Variants in PALM2AKAP2 observed in about 807,000 individuals in gnomAD.
PALM2AKAP2 encodes the protein PALM2 and AKAP2 fusion, also known as PALM2-AKAP2 fusion protein.
Under a neutral mutation model 71.5 loss-of-function variants are expected in PALM2AKAP2, and 37 were observed. The ratio of observed to expected loss-of-function variants is 0.52; its 90% confidence interval spans 0.40 to 0.68. PALM2AKAP2 has a LOEUF of 0.68. Among genes scored for constraint, PALM2AKAP2 ranks in the 30% least tolerant of loss-of-function variants. The pLI, the probability that PALM2AKAP2 is intolerant of heterozygous loss-of-function variation, is 0.00. For missense variants in PALM2AKAP2, 1,224 were observed against 1,191.8 expected, an observed-to-expected ratio of 1.03 and a Z score of -0.40; for synonymous variants, 468 against 478.8, an observed-to-expected ratio of 0.98 and a Z score of 0.29.
chr9:109,972,117 C>T (rs560662820), intron 6 of PALM2AKAP2, among the ~76,000 whole-genome samples: 1 of 152,312 alleles, frequency 6.6e-6, no homozygotes, highest in East Asian at 1.9e-4. Flanking sequence ...GGACAAGGGA[C>T]CATATCTTCA....
chr9:109,850,903 C>T (rs13283845), intron 1 of PALM2AKAP2, among the ~76,000 whole-genome samples: 21,256 of 152,040 alleles, frequency 0.14, 1,883 homozygotes, highest in East Asian at 0.28. Context: ...AGTGGCCGGG[C>T]GTGGTGGCTC....
intron 1 of PALM2AKAP2, among the ~76,000 whole-genome samples, chr9:110,127,314 C>G (rs549344972): frequency 1.0e-3 from 159 of 152,252 alleles, no homozygotes; most frequent in Middle Eastern, 3.4e-3. Context: ...CCTGCCGGGT[C>G]CAAATTTAGC....
intron 1 of PALM2AKAP2, among the ~76,000 whole-genome samples, chr9:109,654,015 G>A (rs1318964251): frequency 3.3e-5 from 5 of 152,196 alleles, no homozygotes; most frequent in African/African-American, 9.6e-5. Context: ...TAGCCAATAA[G>A]TGTATATGAG....
At chr9:110,073,593 T>A (rs1402081460) in intron 1 of PALM2AKAP2, among the ~76,000 whole-genome samples, 1 of 152,120 alleles carries the variant, frequency 6.6e-6, no homozygotes, top group Non-Finnish European at 1.5e-5. Context: ...AGAGGGCAAG[T>A]CATATTTATT....
At chr9:109,689,894 C>T (rs1413520829) in intron 1 of PALM2AKAP2, among the ~76,000 whole-genome samples, 1 of 152,200 alleles carries the variant, frequency 6.6e-6, no homozygotes, top group Admixed American at 6.5e-5. Flanking sequence ...CCAAGTTCAC[C>T]ACCCAACTGA....
intron 1 of PALM2AKAP2, among the ~76,000 whole-genome samples, chr9:109,720,771 C>T (rs1828393507): frequency 6.6e-6 from 1 of 152,188 alleles, no homozygotes; most frequent in Admixed American, 6.5e-5. Context: ...GGCAAAGGAA[C>T]CCACATGCTG....
At chr9:109,649,057 AT>A (rs879412094) in intron 1 of PALM2AKAP2, among the ~76,000 whole-genome samples, 73 of 144,842 alleles carry the variant, frequency 5.0e-4, no homozygotes, top group Middle Eastern at 3.6e-3. Context: ...CACTCCTGCA[AT>A]TTTTTTTTTT....
At chr9:109,767,557 A>G (rs1450155324) in intron 1 of PALM2AKAP2, among the ~76,000 whole-genome samples, 2 of 152,072 alleles carry the variant, frequency 1.3e-5, no homozygotes, top group Admixed American at 1.3e-4. Context: ...ATGTAAATAC[A>G]TTACTTTGCA....
At chr9:110,006,355 T>TTTCTTTCTTTCTTTC (rs1282563988) in intron 6 of PALM2AKAP2, among the ~76,000 whole-genome samples, 5 of 145,206 alleles carry the variant, frequency 3.4e-5, no homozygotes, top group Non-Finnish European at 7.5e-5. Flanking sequence ...TCTTTCTTTC[T>TTTCTTTCTTTCTTTC]TTCTTTCTTT....
chr9:109,852,244 C>A (rs1381892664), intron 1 of PALM2AKAP2, among the ~76,000 whole-genome samples: 1 of 152,094 alleles, frequency 6.6e-6, no homozygotes, highest in Non-Finnish European at 1.5e-5. Flanking sequence ...GTTTTTCAAC[C>A]CTTGATCCCA....
chr9:109,776,519 C>A (rs79778338), upstream of PALM2AKAP2, among the ~76,000 whole-genome samples: 2,197 of 152,334 alleles, frequency 0.014, 64 homozygotes, highest in African/African-American at 0.05. Flanking sequence ...AATTCTCTAA[C>A]ATGCTCAGTC....
At chr9:109,853,392 T>C (rs1383809455) in intron 1 of PALM2AKAP2, among the ~76,000 whole-genome samples, 1 of 152,242 alleles carries the variant, frequency 6.6e-6, no homozygotes. Context: ...ACTGTATTTT[T>C]TCTTATAAAA....
chr9:109,741,589 GC>G (rs1297301401), intron 1 of PALM2AKAP2, among the ~76,000 whole-genome samples: 1 of 152,202 alleles, frequency 6.6e-6, no homozygotes, highest in East Asian at 1.9e-4. Context: ...AAGTGTAAGA[GC>G]TTCCATTGTT....
chr9:110,084,763 T>A (rs941593209), intron 1 of PALM2AKAP2, among the ~76,000 whole-genome samples: 1 of 151,682 alleles, frequency 6.6e-6, no homozygotes, highest in Non-Finnish European at 1.5e-5. Context: ...TGAGACGGAG[T>A]CTCGCTCTGT....
At chr9:109,803,252 A>G (rs574708025) in intron 1 of PALM2AKAP2, among the ~76,000 whole-genome samples, 1 of 152,374 alleles carries the variant, frequency 6.6e-6, no homozygotes, top group Admixed American at 6.5e-5. Context: ...TTATTGGTTT[A>G]GTAATTTTTC....
chr9:109,737,470 A>C (rs548041947), intron 1 of PALM2AKAP2, among the ~76,000 whole-genome samples: 2 of 152,350 alleles, frequency 1.3e-5, no homozygotes, highest in South Asian at 4.1e-4. Context: ...TGTATTTGGA[A>C]GAAGAGGCAA....
At chr9:109,899,391 T>C (rs752550152) in intron 3 of PALM2AKAP2, among the ~76,000 whole-genome samples, 24 of 152,202 alleles carry the variant, frequency 1.6e-4, no homozygotes, top group Non-Finnish European at 3.4e-4. Context: ...CCCACTTCCA[T>C]GACAGTAGTC....
At chr9:110,153,354 C>T (rs1836369922) in intron 2 of PALM2AKAP2, among the ~76,000 whole-genome samples, 3 of 152,184 alleles carry the variant, frequency 2.0e-5, no homozygotes, top group African/African-American at 7.2e-5. Context: ...GTCATGACAT[C>T]CAGGTGTCAC....
chr9:110,009,444 G>A (rs558605763), intron 6 of PALM2AKAP2, among the ~76,000 whole-genome samples: 2 of 152,172 alleles, frequency 1.3e-5, no homozygotes, highest in East Asian at 3.9e-4. Context: ...GCCGGGCGCG[G>A]TGGCTCACAC....
Sources: gnomAD v4.1 joint callset for allele counts (sites outside exome capture counted in the v4.1 genomes callset) on GRCh38, gnomAD v4.1.1 for gene constraint, MANE v1.5 for transcripts, NCBI Gene and HGNC (gene_info 2026-07-23, HGNC 2026-07-21) for gene names.